SERINC2: variants seen among roughly 807,000 people sequenced by gnomAD.
The protein encoded by SERINC2 is serine incorporator 2.
Under a neutral mutation model 54.2 loss-of-function variants are expected in SERINC2, and 56 were observed. The observed-to-expected ratio is 1.03, with a 90% CI of 0.83 to 1.29. The LOEUF (loss-of-function observed/expected upper bound fraction) is 1.29, where lower values mean the gene tolerates loss of function less well. SERINC2 is among the 50% of genes most tolerant of loss of function. SERINC2 has a pLI of 0.00. For missense variants in SERINC2, 614 were observed against 607.4 expected (o/e 1.01, Z -0.12); for synonymous variants, 272 against 253.1 (o/e 1.07, Z -0.71).
chr1:31,426,570 C>A, intron 5 of SERINC2, 84 bp from the exon 6 acceptor site: 1 of 1,160,854 alleles, frequency 8.6e-7, no homozygotes, highest in Non-Finnish European at 1.2e-6. Context: ...GGGAGAGCTG[C>A]CAACAGGGTC....
At chr1:31,423,919 G>C in intron 2 of SERINC2, 65 bp downstream of exon 2, 1 of 1,494,720 alleles carries the variant, frequency 6.7e-7, no homozygotes, top group Non-Finnish European at 9.2e-7. Flanking sequence ...AGGATAGAGG[G>C]CCCAGGCTTG....
At chr1:31,410,168 C>G, upstream of SERINC2, 2 of 1,432,864 alleles carry the variant, frequency 1.4e-6, no homozygotes, top group South Asian at 3.1e-5. Context: ...GGTTGGGTGA[C>G]TTGCCAGTAT....
intron 9 of SERINC2, 29 bp downstream of exon 9, chr1:31,433,214 C>G: frequency 6.3e-7 from 1 of 1,587,392 alleles, no homozygotes; most frequent in Non-Finnish European, 8.6e-7. Context: ...ATGGACAGAG[C>G]CCGGAGGTGC....
chr1:31,413,273 C>A lies in SERINC2; in HGVS notation c.8C>A (p.Ala3Asp). Residue 3 changes from alanine (A) to aspartate (D), a missense_variant, in exon 1 of 10, where the codon GCC (alanine) becomes GAC (aspartate). By Grantham distance (126) the Ala-to-Asp change is moderately radical. Coordinates refer to ENST00000373709, the MANE Select transcript of SERINC2 (RefSeq NM_178865.5). The surrounding 1 kb of genome is among the most constrained non-coding windows in gnomAD (Gnocchi z 5.0). ...AAGCCGGGAGCCGCCGCCATGGGGG[C>A]CTGCCTGGGAGCCTGCTCCCTGCTC... MG[A>D]CLGACSLLSC... 2 of 1,248,644 alleles carry A rather than the reference C, an allele frequency of 1.6e-6. No homozygotes were observed. Among genetic ancestry groups the A allele is most frequent in the Non-Finnish European group, 1.0e-6 (1 of 997,506 alleles). 77.3% of individuals were successfully genotyped at this position (1,248,644 alleles called of 1,614,324 possible).
At position 31,422,830 on chromosome 1, in the gene SERINC2, C is replaced by T. The variant is rs543051806; in HGVS notation, c.40-863C>T. Among the ~76,000 whole-genome samples, 13 of 152,278 alleles carry T rather than the reference C, an allele frequency of 8.5e-5. No individual in the cohort carries two copies. The South Asian group carries it at 2.7e-3, about 32-fold the overall frequency. Reference sequence around the variant, plus strand: ...GTGTGGCATAGTGTGTCATCACCAGCCCCTGAATGATTTCAGCCAGGCCAG... The same window carrying T: ...GTGTGGCATAGTGTGTCATCACCAGTCCCTGAATGATTTCAGCCAGGCCAG... On this transcript the variant is annotated intron_variant, in intron 1 of 9. Coordinates refer to ENST00000373709, the MANE Select transcript of SERINC2 (RefSeq NM_178865.5).
rs1485311991 is a variant in SERINC2, at chr1:31,413,870, C to CT, written c.39+567dup. The CT allele has an allele frequency of 2.4e-5, 35 of 1,438,938 alleles. No individual in the cohort carries two copies. In the South Asian group the frequency reaches 3.6e-4, roughly 15 times the overall value. The allele number at this position is 1,438,938 out of a possible 1,614,324, so 89.1% of individuals were successfully genotyped here. A position where few individuals can be genotyped will look rare whatever the true frequency, so the allele number is the denominator to read the frequency against. On this transcript the variant is annotated intron_variant, in intron 1 of 9. Coordinates refer to ENST00000373709, the MANE Select transcript of SERINC2 (RefSeq NM_178865.5). This position sits in a 1 kb window ranked among gnomAD's most constrained non-coding sequence, Gnocchi z 5.0. The stretch of plus-strand genomic sequence containing the variant: ...TCGTCCGACTGTCTTTGTCCGTCTG[C>CT]TGTCTTCTGTCCGTCTGCCCGTCCG...
At chr1:31,415,107 C>CG (rs1163373775) in intron 1 of SERINC2, among the ~76,000 whole-genome samples, 11 of 152,162 alleles carry the variant, frequency 7.2e-5, no homozygotes, top group African/African-American at 1.9e-4. Flanking sequence ...GCCACCCGCC[C>CG]GGAGAAGATA....
intron 8 of SERINC2, among the ~76,000 whole-genome samples, chr1:31,431,681 C>A (rs1553134481): frequency 6.6e-6 from 1 of 151,962 alleles, no homozygotes; most frequent in African/African-American, 2.4e-5. Flanking sequence ...GAAGCATATG[C>A]AACCCATGAG....
At chr1:31,430,210 T>C (rs533970003) in intron 8 of SERINC2, among the ~76,000 whole-genome samples, 17 of 152,238 alleles carry the variant, frequency 1.1e-4, no homozygotes, top group African/African-American at 3.9e-4. Context: ...TGAATCAGTA[T>C]GTGTAAAACA....
intron 9 of SERINC2, 52 bp from the exon 10 acceptor site, chr1:31,434,012 T>A: frequency 1.9e-6 from 3 of 1,594,904 alleles, no homozygotes; most frequent in Admixed American, 3.4e-5. Flanking sequence ...GGGGCCAAGA[T>A]GGAAGTCACC....
Position 31,433,069 on chromosome 1 carries a change from T to C in SERINC2, c.1116T>C (p.Cys372=), listed in dbSNP as rs1641366044. The change falls in exon 9 of 10, where the codon TGT becomes TGC. Residue 372 remains cysteine (C), a synonymous_variant. Coordinates refer to ENST00000373709, the MANE Select transcript of SERINC2 (RefSeq NM_178865.5). ...AGCAGCAGCAGCAGGTGGCAGCCTG[T>C]GAGGGCCGGGCCTTTGACAACGAGC... ...ATQQQQQVAA[C]EGRAFDNEQD... The C allele has an allele frequency of 6.2e-7, 1 of 1,613,182 alleles. No individual in the cohort carries two copies. Among genetic ancestry groups the C allele is most frequent in the African/African-American group, 1.3e-5 (1 of 74,842 alleles).
rs782387307 is a variant in SERINC2 at position 31,434,200 on chromosome 1, G to C, written c.*1G>C. 6.2e-7 allele frequency: 1 copy of C among 1,612,386 alleles called. No individual in the cohort carries two copies. Among genetic ancestry groups the C allele is most frequent in the South Asian group, 1.1e-5 (1 of 91,016 alleles). On this transcript the variant is annotated 3_prime_UTR_variant, in exon 10 of 10. Transcript: ENST00000373709. Reference sequence around the variant, plus strand: ...CCTGCGCAACCGCGACTTCAGCTGAGGCAGCCTCACAGCCTGCCATCTGGT... The same window carrying C: ...CCTGCGCAACCGCGACTTCAGCTGACGCAGCCTCACAGCCTGCCATCTGGT...
Position 31,420,626 on chromosome 1 carries a change from G to A in SERINC2, c.40-3067G>A, listed in dbSNP as rs1640882432. On this transcript the variant is annotated intron_variant, in intron 1 of 9. Coordinates refer to ENST00000373709, the MANE Select transcript of SERINC2 (RefSeq NM_178865.5). ...AGCGAGCTGGAACTAGTGTAGTCCT[G>A]TAGGCAGAGCCTGGCCCTTGGTGCA... Among the ~76,000 whole-genome samples, 3 of 152,190 alleles carry A rather than the reference G, an allele frequency of 2.0e-5. No homozygotes were observed. In the South Asian group the frequency reaches 6.2e-4, roughly 32 times the overall value.
intron 1 of SERINC2, among the ~76,000 whole-genome samples, chr1:31,422,697 G>A (rs1640931618): frequency 1.3e-5 from 2 of 152,176 alleles, no homozygotes; most frequent in African/African-American, 4.8e-5. Context: ...AGGAGTAGGG[G>A]CTGTTTGGGG....
intron 8 of SERINC2, among the ~76,000 whole-genome samples, chr1:31,432,066 C>CAGGGTGGATAGGGTGGAT (rs1641273492): frequency 1.3e-4 from 2 of 15,776 alleles, no homozygotes; most frequent in Non-Finnish European, 2.3e-4. Flanking sequence ...ACAGGGTGGA[C>CAGGGTGGATAGGGTGGAT]AGGGTGGACA....
At chr1:31,423,293 C>T (rs1172379197) in intron 1 of SERINC2, among the ~76,000 whole-genome samples, 1 of 152,180 alleles carries the variant, frequency 6.6e-6, no homozygotes, top group African/African-American at 2.4e-5. Flanking sequence ...GGAGTACATA[C>T]CACTATGTTA....
chr1:31,422,532 G>T lies in SERINC2; in HGVS notation c.40-1161G>T, dbSNP rs143623639. Reference sequence around the variant, plus strand: ...GACATGCCACCCTCAATCAAACCTAGGCTGCATTAGCACTTTTCTGGCAGT... The same window carrying T: ...GACATGCCACCCTCAATCAAACCTATGCTGCATTAGCACTTTTCTGGCAGT... On this transcript the variant is annotated intron_variant, in intron 1 of 9. Transcript: ENST00000373709. Among the ~76,000 whole-genome samples the T allele has an allele frequency of 1.2e-3, 189 of 152,166 alleles. 1 individual carries two copies. Among genetic ancestry groups the T allele is most frequent in the Admixed American group, 2.2e-3 (34 of 15,288 alleles).
At chr1:31,417,852 C>CTT (rs3050463) in intron 1 of SERINC2, among the ~76,000 whole-genome samples, 1,979 of 95,608 alleles carry the variant, frequency 0.021, 168 homozygotes, top group East Asian at 0.14. Context: ...AAATTTCATT[C>CTT]TTTTTTTTTT....
chr1:31,421,595 C>T (rs1461475324), intron 1 of SERINC2, among the ~76,000 whole-genome samples: 1 of 152,182 alleles, frequency 6.6e-6, no homozygotes, highest in African/African-American at 2.4e-5. Flanking sequence ...GAGGCAGATG[C>T]CCGCCAGCAG....
Sources: allele counts gnomAD v4.1 joint callset (sites outside exome capture counted in the v4.1 genomes callset), GRCh38; gene constraint gnomAD v4.1.1; non-coding constraint Gnocchi (gnomAD v3.1); transcripts MANE v1.5; gene names NCBI Gene and HGNC (gene_info 2026-07-23, HGNC 2026-07-21).